The following CAMTA1 variants were observed in gnomAD, a reference collection of about 807,000 sequenced individuals.
The protein encoded by CAMTA1 is calmodulin binding transcription activator 1, also known as calmodulin-binding transcription activator 1.
CAMTA1 carries 27 observed loss-of-function variants against 170.9 expected under a neutral mutation model. That is an observed-to-expected ratio of 0.16 (90% CI 0.12 to 0.22). The LOEUF is 0.22. Ranked by LOEUF, CAMTA1 falls within the 10% of genes least tolerant of loss-of-function variation. The pLI, the probability that CAMTA1 is intolerant of heterozygous loss-of-function variation, is 1.00. For synonymous variants in CAMTA1, 833 were observed against 891.5 expected (o/e 0.93, Z 1.17); for missense variants, 1,619 against 2,217.2 (o/e 0.73, Z 5.42).
At chr1:6,818,718 A>C (rs1243241090) in intron 1 of CAMTA1, among the ~76,000 whole-genome samples, 1 of 152,136 alleles carries the variant, frequency 6.6e-6, no homozygotes, top group East Asian at 1.9e-4. Context: ...GGCTCACTGC[A>C]GCCTCAACTT....
At chr1:7,599,273 G>C (rs2095422924) in intron 6 of CAMTA1, among the ~76,000 whole-genome samples, 1 of 152,106 alleles carries the variant, frequency 6.6e-6, no homozygotes. Context: ...TATTTCTGAG[G>C]GCTCTGTTCT....
chr1:7,405,373 CTGT>C (rs1346563167), intron 5 of CAMTA1, among the ~76,000 whole-genome samples: 3 of 151,472 alleles, frequency 2.0e-5, no homozygotes, highest in Non-Finnish European at 4.4e-5. Context: ...GGTTTGTTTG[CTGT>C]TGTTGTTATT....
rs1020471988 is a variant in CAMTA1, at chr1:7,354,128, A to G, written c.438+104502A>G. Among the ~76,000 whole-genome samples the G allele has an allele frequency of 4.6e-5, 7 of 150,936 alleles. No homozygotes were observed. In the South Asian group the frequency reaches 8.4e-4, roughly 18 times the overall value. On this transcript the variant is annotated intron_variant, in intron 5 of 22. Coordinates refer to ENST00000303635, the MANE Select transcript of CAMTA1 (RefSeq NM_015215.4). ...GGCTGCGTAGTATTCCACGGTGCAT[A>G]TGTACCACATTTTCTTTTTCTCTTT...
intron 6 of CAMTA1, among the ~76,000 whole-genome samples, chr1:7,548,268 T>A (rs1360740600): frequency 6.6e-6 from 1 of 152,158 alleles, no homozygotes; most frequent in African/African-American, 2.4e-5. Flanking sequence ...TTCCAGCAGC[T>A]CCTTTGCCAC....
chr1:7,429,204 A>G (rs1407741680), intron 5 of CAMTA1, among the ~76,000 whole-genome samples: 1 of 152,176 alleles, frequency 6.6e-6, no homozygotes, highest in Non-Finnish European at 1.5e-5. Flanking sequence ...CCGTTTCCAT[A>G]CTGGATACAC....
chr1:7,566,665 C>T (rs1441486986), intron 6 of CAMTA1, among the ~76,000 whole-genome samples: 1 of 152,192 alleles, frequency 6.6e-6, no homozygotes, highest in Non-Finnish European at 1.5e-5. Context: ...GAGCCCTCCA[C>T]AGGCACCCAG....
chr1:7,651,037 C>T (rs2095845625), intron 7 of CAMTA1, among the ~76,000 whole-genome samples: 2 of 152,304 alleles, frequency 1.3e-5, no homozygotes, highest in South Asian at 2.1e-4. Flanking sequence ...CTCCCTCTCC[C>T]GTCCGCCTCC....
rs1425132429 is a variant in CAMTA1 at position 7,609,503 on chromosome 1, A to G, written c.511-30897A>G. ...AAGGCAAGCCCTGGCCCCAGCCTCCAGGCCCCCAGGGATGCTCAGGGCCTG... is the reference window on the plus strand; with the variant it reads ...AAGGCAAGCCCTGGCCCCAGCCTCCGGGCCCCCAGGGATGCTCAGGGCCTG... On this transcript the variant is annotated intron_variant, in intron 6 of 22. Coordinates refer to ENST00000303635, the MANE Select transcript of CAMTA1 (RefSeq NM_015215.4). This position sits in a 1 kb window ranked among gnomAD's most constrained non-coding sequence, Gnocchi z 4.4. Among the ~76,000 whole-genome samples the G allele has an allele frequency of 6.6e-6, 1 of 152,172 alleles. No homozygotes were observed. The highest frequency in any genetic ancestry group is 1.5e-5 in the Non-Finnish European group (1 of 68,028).
intron 3 of CAMTA1, among the ~76,000 whole-genome samples, chr1:6,920,620 C>T (rs184012719): frequency 1.3e-5 from 2 of 152,180 alleles, no homozygotes; most frequent in African/African-American, 4.8e-5. Flanking sequence ...GAGGGTCCCA[C>T]CCCTGCAGCA....
chr1:7,117,753 T>C (rs9434845), intron 4 of CAMTA1, among the ~76,000 whole-genome samples: 46,830 of 151,938 alleles, frequency 0.31, 7,707 homozygotes, highest in Middle Eastern at 0.39. Context: ...TCAGCCATAA[T>C]TGGTCTTCAC....
chr1:6,823,675 T>C (rs1463820524), intron 2 of CAMTA1, among the ~76,000 whole-genome samples: 1 of 152,196 alleles, frequency 6.6e-6, no homozygotes, highest in East Asian at 1.9e-4. Context: ...AAGAAGTGTG[T>C]TAATCAGATG....
chr1:7,302,578 AC>A (rs1407318194), intron 5 of CAMTA1, among the ~76,000 whole-genome samples: 1 of 152,130 alleles, frequency 6.6e-6, no homozygotes, highest in Non-Finnish European at 1.5e-5. Flanking sequence ...TGAAATATGC[AC>A]CTCTAATAAC....
chr1:6,919,192 G>A (rs184315692), intron 3 of CAMTA1, among the ~76,000 whole-genome samples: 1 of 152,326 alleles, frequency 6.6e-6, no homozygotes, highest in East Asian at 1.9e-4. Context: ...GGCTTAGGGA[G>A]CAAGGCATTT....
chr1:7,339,217 T>C (rs1295252661), intron 5 of CAMTA1, among the ~76,000 whole-genome samples: 1 of 152,224 alleles, frequency 6.6e-6, no homozygotes, highest in Non-Finnish European at 1.5e-5. Flanking sequence ...GTGGTGATTG[T>C]GCAACTCCGT....
chr1:6,845,522 T>C (rs1364731130), intron 3 of CAMTA1, among the ~76,000 whole-genome samples: 1 of 152,240 alleles, frequency 6.6e-6, no homozygotes, highest in African/African-American at 2.4e-5. Context: ...AAATATACTT[T>C]AAGTGAGTGG....
chr1:6,862,984 T>C (rs1665315900), intron 3 of CAMTA1, among the ~76,000 whole-genome samples: 1 of 152,256 alleles, frequency 6.6e-6, no homozygotes, highest in Non-Finnish European at 1.5e-5. Flanking sequence ...CTAATTTGTT[T>C]CTGAAGGAAA....
Position 7,752,531 on chromosome 1 carries a change from C to T in CAMTA1, c.4956C>T (p.His1652=). The T allele has an allele frequency of 6.2e-7, 1 of 1,602,474 alleles. No homozygotes were observed. The highest frequency in any genetic ancestry group is 8.5e-7 in the Non-Finnish European group (1 of 1,174,162). Residue 1652 remains histidine, a splice_region_variant and synonymous_variant, in exon 21 of 23, where the codon CAC becomes CAT. Transcript: ENST00000303635. ...KIMRFLRRCR[H]SPLVDHRLYK... ...TGAGGTTTCTTCGCCGCTGTCGCCA[C>T]AGGTACACTAGTCCTTGTTTATACA... is the stretch of plus-strand genomic sequence containing the variant.
chr1:6,902,072 C>CACACACACACACACACAAA (rs3986505), intron 3 of CAMTA1, among the ~76,000 whole-genome samples: 1 of 88,470 alleles, frequency 1.1e-5, no homozygotes, highest in African/African-American at 3.6e-5. Context: ...CACACACACA[C>CACACACACACACACACAAA]AAAAAAAAAA....
intron 11 of CAMTA1, among the ~76,000 whole-genome samples, chr1:7,695,913 G>A (rs2096370754): frequency 6.6e-6 from 1 of 152,138 alleles, no homozygotes; most frequent in Non-Finnish European, 1.5e-5. Context: ...ACAGAATTGG[G>A]CCTTCCTTTG....
Sources: allele counts gnomAD v4.1 joint callset (sites outside exome capture counted in the v4.1 genomes callset), GRCh38; gene constraint gnomAD v4.1.1; non-coding constraint Gnocchi (gnomAD v3.1); transcripts MANE v1.5; gene names NCBI Gene and HGNC (gene_info 2026-07-23, HGNC 2026-07-21).